Variants in TBXAS1 observed in about 807,000 individuals in gnomAD.
TBXAS1 encodes thromboxane A synthase 1.
In TBXAS1, 48 loss-of-function variants were observed where a neutral mutation model predicts 60.7. The observed-to-expected ratio is 0.79, with a 90% CI of 0.63 to 1.01. The LOEUF (loss-of-function observed/expected upper bound fraction) is 1.01, where lower values mean the gene tolerates loss of function less well. Ranked by LOEUF, TBXAS1 falls within the 50% of genes least tolerant of loss-of-function variation. The probability of loss-of-function intolerance (pLI) is 0.00; values close to 1 mark genes in which losing one functional copy is unlikely to be tolerated. For missense variants in TBXAS1, 685 were observed against 686.3 expected (o/e 1.00, Z 0.02); for synonymous variants, 287 against 269.7 (o/e 1.06, Z -0.63).
chr7:139,793,782 C>T (rs750999769), intron 4 of TBXAS1, among the ~76,000 whole-genome samples: 3 of 152,332 alleles, frequency 2.0e-5, no homozygotes, highest in African/African-American at 7.2e-5. Context: ...AGAGCATTTT[C>T]GCATTCATGA....
intron 9 of TBXAS1, among the ~76,000 whole-genome samples, chr7:139,991,452 T>C (rs1480957411): frequency 6.6e-6 from 1 of 151,846 alleles, no homozygotes; most frequent in Non-Finnish European, 1.5e-5. Context: ...CAATGCTCTG[T>C]ACACAGCAGA....
intron 4 of TBXAS1, among the ~76,000 whole-genome samples, chr7:139,914,437 G>A (rs1220722482): frequency 2.0e-5 from 3 of 152,178 alleles, no homozygotes; most frequent in African/African-American, 7.2e-5. Flanking sequence ...GTCACAACCA[G>A]TGGCAGAACT....
At chr7:139,913,426 C>G (rs1805699426) in intron 4 of TBXAS1, 1 of 428,238 alleles carries the variant, frequency 2.3e-6, no homozygotes, top group Non-Finnish European at 4.4e-6. Flanking sequence ...CTCCCAGGAG[C>G]CTGTCATAGC....
At chr7:139,900,314 A>T (rs1467853460) in intron 3 of TBXAS1, among the ~76,000 whole-genome samples, 3 of 152,188 alleles carry the variant, frequency 2.0e-5, no homozygotes, top group African/African-American at 7.2e-5. Context: ...GAGTTTCAGA[A>T]ATTTGCGCCT....
intron 3 of TBXAS1, among the ~76,000 whole-genome samples, chr7:139,783,964 T>G (rs1569488832): frequency 6.6e-6 from 1 of 151,074 alleles, no homozygotes; most frequent in Non-Finnish European, 1.5e-5. Flanking sequence ...CTTGAATCAC[T>G]CCCCTCCCTT....
Position 139,936,133 on chromosome 7 carries a change from C to A in TBXAS1, c.334-58C>A. ...GGGTGTTTGTCATGGACCTGTATTGCCACCAAGGTGGCTTTGGCTCCCTGA... is the reference window on the plus strand; with the variant it reads ...GGGTGTTTGTCATGGACCTGTATTGACACCAAGGTGGCTTTGGCTCCCTGA... On this transcript the variant is annotated intron_variant, in intron 4 of 12. Transcript: ENST00000448866. 5 of 1,548,504 alleles carry A rather than the reference C, an allele frequency of 3.2e-6. No homozygotes were observed. The South Asian group carries it at 5.6e-5, about 17-fold the overall frequency.
chr7:139,937,779 C>T (rs752968594), intron 5 of TBXAS1, among the ~76,000 whole-genome samples: 4 of 152,068 alleles, frequency 2.6e-5, no homozygotes, highest in Admixed American at 6.5e-5. Flanking sequence ...AATCCAGCTC[C>T]GGAGCGCTCT....
rs191862304 is a variant in TBXAS1 at position 139,812,709 on chromosome 7, C to T, written c.-79-16603C>T. 2.8e-3 allele frequency among the ~76,000 whole-genome samples: 433 copies of T among 152,250 alleles called. 2 individuals are homozygous for T. Among genetic ancestry groups the T allele is most frequent in the African/African-American group, 9.8e-3 (407 of 41,542 alleles). On this transcript the variant is annotated intron_variant, in intron 4 of 16. Coordinates refer to the TBXAS1 transcript ENST00000336425. ...GCCCCTGTGTCTTGCATTGATAACA[C>T]GAGAAGTACCTGAGAGTTTCCTGCG... is the stretch of plus-strand genomic sequence containing the variant.
Position 139,873,616 on chromosome 7 carries a change from T to C in TBXAS1, c.183+1288T>C, listed in dbSNP as rs529445032. On this transcript the variant is annotated intron_variant, in intron 2 of 12. Transcript: ENST00000448866. Reference sequence around the variant, plus strand: ...GCTATGGGTTGACAGAAATAAAACGTTGGGTGGGGGAGTGGTTCAGGGAGA... The same window carrying C: ...GCTATGGGTTGACAGAAATAAAACGCTGGGTGGGGGAGTGGTTCAGGGAGA... Among the ~76,000 whole-genome samples, 17 of 152,094 alleles carry C rather than the reference T, an allele frequency of 1.1e-4. No individual in the cohort carries two copies. The South Asian group carries it at 3.5e-3, about 32-fold the overall frequency.
At chr7:139,813,860 A>G (rs1798084520) in intron 4 of TBXAS1, among the ~76,000 whole-genome samples, 1 of 152,218 alleles carries the variant, frequency 6.6e-6, no homozygotes, top group Admixed American at 6.5e-5. Context: ...AGCCAGGATG[A>G]ATGAGGTGAA....
intron 3 of TBXAS1, among the ~76,000 whole-genome samples, chr7:139,908,738 C>G (rs534770083): frequency 6.7e-4 from 102 of 152,238 alleles, no homozygotes; most frequent in Non-Finnish European, 1.2e-3. Flanking sequence ...GAAGGATAGT[C>G]TATTATTTTT....
At chr7:139,922,812 T>C (rs899090961) in intron 4 of TBXAS1, among the ~76,000 whole-genome samples, 4 of 152,298 alleles carry the variant, frequency 2.6e-5, no homozygotes, top group African/African-American at 9.6e-5. Context: ...GAAGTATGGA[T>C]CAAAGCTGAT....
At chr7:139,930,702 T>C (rs748614077) in intron 4 of TBXAS1, among the ~76,000 whole-genome samples, 1 of 152,186 alleles carries the variant, frequency 6.6e-6, no homozygotes, top group South Asian at 2.1e-4. Context: ...GGCCAGCACA[T>C]ACCAGGCCTC....
chr7:139,816,248 T>C (rs992905325), intron 4 of TBXAS1, among the ~76,000 whole-genome samples: 2 of 152,180 alleles, frequency 1.3e-5, no homozygotes, highest in Non-Finnish European at 2.9e-5. Context: ...TGTTTATAAA[T>C]TACCCAGTCT....
chr7:140,007,753 C>A (rs1166135250), intron 10 of TBXAS1, among the ~76,000 whole-genome samples: 1 of 152,152 alleles, frequency 6.6e-6, no homozygotes, highest in East Asian at 1.9e-4. Flanking sequence ...TTGGGCTTGC[C>A]TCACCTGGTC....
At chr7:139,966,893 C>T (rs958203460) in intron 9 of TBXAS1, among the ~76,000 whole-genome samples, 3 of 152,178 alleles carry the variant, frequency 2.0e-5, no homozygotes, top group African/African-American at 7.2e-5. Flanking sequence ...CTGCTGGGCC[C>T]CTTTCTCCTC....
At chr7:139,843,658 C>T (rs933186067) in intron 1 of TBXAS1, among the ~76,000 whole-genome samples, 1 of 152,198 alleles carries the variant, frequency 6.6e-6, no homozygotes, top group African/African-American at 2.4e-5. Flanking sequence ...TATTTTATAG[C>T]TTATGCATGT....
At chr7:139,791,207 G>A (rs73475966) in intron 4 of TBXAS1, among the ~76,000 whole-genome samples, 1,726 of 152,348 alleles carry the variant, frequency 0.011, 21 homozygotes, top group African/African-American at 0.04. Context: ...TGTGGTGACA[G>A]ATAAATGCTA....
intron 3 of TBXAS1, among the ~76,000 whole-genome samples, chr7:139,907,190 T>C (rs1805171843): frequency 6.6e-6 from 1 of 152,216 alleles, no homozygotes; most frequent in Non-Finnish European, 1.5e-5. Context: ...ATGCCCTTTA[T>C]CAAGTTGAGG....
Sources: allele counts gnomAD v4.1 joint callset (sites outside exome capture counted in the v4.1 genomes callset), GRCh38; gene constraint gnomAD v4.1.1; transcripts MANE v1.5; gene names NCBI Gene and HGNC (gene_info 2026-07-23, HGNC 2026-07-21).